The following SLC16A12 variants were observed in gnomAD, a reference collection of about 807,000 sequenced individuals.
SLC16A12 encodes the protein solute carrier family 16 member 12, also known as monocarboxylate transporter 12.
Under a neutral mutation model 42.4 loss-of-function variants are expected in SLC16A12, and 17 were observed. The ratio of observed to expected loss-of-function variants is 0.40; its 90% CI spans 0.27 to 0.60. The LOEUF is 0.60. Among genes scored for constraint, SLC16A12 ranks in the 20% least tolerant of loss-of-function variants. The pLI is 0.42. For synonymous variants in SLC16A12, 224 were observed against 229.4 expected, an observed-to-expected ratio of 0.98 and a Z score of 0.21; for missense variants, 544 against 623.0, an observed-to-expected ratio of 0.87 and a Z score of 1.35.
chr10:89,460,496 G>A (rs1842280757), intron 3 of SLC16A12, among the ~76,000 whole-genome samples: 1 of 151,886 alleles, frequency 6.6e-6, no homozygotes, highest in East Asian at 1.9e-4. Context: ...GGCTGAGGCG[G>A]GTGGATCACC....
chr10:89,539,367 CT>C (rs1207600190), upstream of SLC16A12, among the ~76,000 whole-genome samples: 1 of 152,142 alleles, frequency 6.6e-6, no homozygotes. Context: ...ACTATTTGTA[CT>C]TTTCTGGCCT....
At chr10:89,505,169 G>C (rs1034155731) in intron 2 of SLC16A12, among the ~76,000 whole-genome samples, 3 of 152,102 alleles carry the variant, frequency 2.0e-5, no homozygotes, top group African/African-American at 7.2e-5. Context: ...GGAATACTTT[G>C]AATAATTATT....
chr10:89,548,677 G>T (rs2133889122), intron 2 of SLC16A12, among the ~76,000 whole-genome samples: 2 of 152,194 alleles, frequency 1.3e-5, no homozygotes, highest in Admixed American at 1.3e-4. Flanking sequence ...TTAGCCGGGT[G>T]CAGTGCCAGC....
At chr10:89,454,100 C>T (rs1167937375) in intron 3 of SLC16A12, among the ~76,000 whole-genome samples, 1 of 151,922 alleles carries the variant, frequency 6.6e-6, no homozygotes, top group Non-Finnish European at 1.5e-5. Context: ...ATCACTGCAG[C>T]CTTGACCTCC....
intron 2 of SLC16A12, among the ~76,000 whole-genome samples, chr10:89,492,437 T>A (rs1415976231): frequency 1.3e-5 from 2 of 151,580 alleles, no homozygotes; most frequent in Non-Finnish European, 2.9e-5. Context: ...AAAAAAAAAA[T>A]AGCTATAAGT....
upstream of SLC16A12, among the ~76,000 whole-genome samples, chr10:89,538,079 G>A (rs1302189965): frequency 6.6e-6 from 1 of 152,268 alleles, no homozygotes; most frequent in Non-Finnish European, 1.5e-5. Flanking sequence ...CATAGCTGCT[G>A]ACAGGCAGCA....
intron 2 of SLC16A12, among the ~76,000 whole-genome samples, chr10:89,548,148 C>T (rs1843751919): frequency 6.6e-6 from 1 of 152,012 alleles, no homozygotes; most frequent in Admixed American, 6.6e-5. Flanking sequence ...TGGAAAAGTG[C>T]AAGGTGTATT....
chr10:89,540,593 C>T (rs143647573), upstream of SLC16A12, among the ~76,000 whole-genome samples: 98 of 152,254 alleles, frequency 6.4e-4, 1 homozygote, highest in Non-Finnish European at 1.4e-3. Flanking sequence ...CCTCTGAACT[C>T]CAATTCTTGT....
At chr10:89,500,002 C>T (rs559264554) in intron 2 of SLC16A12, among the ~76,000 whole-genome samples, 1 of 152,220 alleles carries the variant, frequency 6.6e-6, no homozygotes, top group Admixed American at 6.5e-5. Context: ...AAAGATCATT[C>T]AAGGCTATTA....
intron 2 of SLC16A12, among the ~76,000 whole-genome samples, chr10:89,482,942 T>C (rs1476269153): frequency 6.6e-6 from 1 of 152,178 alleles, no homozygotes; most frequent in Non-Finnish European, 1.5e-5. Context: ...AGGTGTGACA[T>C]GAATCTGTAT....
At chr10:89,472,297 GTAA>G (rs1351513474) in intron 2 of SLC16A12, among the ~76,000 whole-genome samples, 1 of 36,410 alleles carries the variant, frequency 2.7e-5, no homozygotes, top group Non-Finnish European at 6.8e-5. Context: ...TAATAATAAT[GTAA>G]TAATAAAACA....
chr10:89,469,878 A>G (rs1250697700), intron 2 of SLC16A12, among the ~76,000 whole-genome samples: 2 of 152,230 alleles, frequency 1.3e-5, no homozygotes, highest in African/African-American at 4.8e-5. Context: ...AGTAAACTCT[A>G]ATTAACTTTA....
intron 2 of SLC16A12, among the ~76,000 whole-genome samples, chr10:89,555,347 T>A (rs958641005): frequency 1.3e-5 from 2 of 151,598 alleles, no homozygotes; most frequent in Non-Finnish European, 2.9e-5. Flanking sequence ...TAGACAGGGA[T>A]AATGAGCTTA....
chr10:89,479,258 T>C (rs1842627192), intron 2 of SLC16A12, among the ~76,000 whole-genome samples: 1 of 152,160 alleles, frequency 6.6e-6, no homozygotes, highest in Non-Finnish European at 1.5e-5. Flanking sequence ...GTTGCTTATC[T>C]GTTTCCTTGG....
intron 2 of SLC16A12, among the ~76,000 whole-genome samples, chr10:89,504,200 G>C (rs1451912589): frequency 6.6e-6 from 1 of 152,136 alleles, no homozygotes; most frequent in East Asian, 1.9e-4. Context: ...TCTTGGTCCT[G>C]AAACTAAGCA....
At chr10:89,470,374 C>T (rs1842473553) in intron 2 of SLC16A12, among the ~76,000 whole-genome samples, 2 of 152,200 alleles carry the variant, frequency 1.3e-5, no homozygotes, top group Non-Finnish European at 2.9e-5. Flanking sequence ...ACCTAGGTAG[C>T]TGAGGGGGAA....
At chr10:89,462,337 G>A (rs2133746706) in intron 3 of SLC16A12, 42 bp downstream of exon 3, 2 of 1,613,136 alleles carry the variant, frequency 1.2e-6, no homozygotes, top group African/African-American at 1.3e-5. Context: ...AGAAAAGACA[G>A]GCCAGGTCAT....
intron 6 of SLC16A12, among the ~76,000 whole-genome samples, chr10:89,438,048 C>T (rs948519568): frequency 6.6e-6 from 1 of 152,096 alleles, no homozygotes. Context: ...ACTAACACCA[C>T]CACACCCAGC....
intron 2 of SLC16A12, among the ~76,000 whole-genome samples, chr10:89,466,662 G>A (rs750349482): frequency 6.6e-6 from 1 of 152,156 alleles, no homozygotes; most frequent in Non-Finnish European, 1.5e-5. Flanking sequence ...CTAAAAAGAT[G>A]CTGGGCTGCA....
Sources: gnomAD v4.1 joint callset for allele counts (sites outside exome capture counted in the v4.1 genomes callset) on GRCh38, gnomAD v4.1.1 for gene constraint, MANE v1.5 for transcripts, NCBI Gene and HGNC (gene_info 2026-07-23, HGNC 2026-07-21) for gene names.